Variants in ADAM10 observed in about 807,000 individuals in gnomAD.
ADAM10 encodes ADAM metallopeptidase domain 10.
In ADAM10, 17 loss-of-function variants were observed where a neutral mutation model predicts 90.1. The observed-to-expected ratio is 0.19, with a 90% confidence interval of 0.13 to 0.28. The LOEUF (loss-of-function observed/expected upper bound fraction) is 0.28. Ranked by LOEUF, ADAM10 falls within the 10% of genes least tolerant of loss-of-function variation. The probability of loss-of-function intolerance (pLI) is 1.00; values close to 1 mark genes in which losing one functional copy is unlikely to be tolerated. For missense variants in ADAM10, 610 were observed against 914.3 expected (o/e 0.67, Z 4.29); for synonymous variants, 310 against 298.6 (o/e 1.04, Z -0.40).
intron 11 of ADAM10, among the ~76,000 whole-genome samples, chr15:58,614,955 G>A (rs549811312): frequency 3.9e-5 from 6 of 152,176 alleles, no homozygotes; most frequent in South Asian, 2.1e-4. Flanking sequence ...AAAAAAGAAA[G>A]AAGAATATGC....
At chr15:58,705,187 T>C (rs1427871146) in intron 2 of ADAM10, among the ~76,000 whole-genome samples, 1 of 152,236 alleles carries the variant, frequency 6.6e-6, no homozygotes, top group African/African-American at 2.4e-5. Context: ...TTAGTTTTTA[T>C]TATTTTATAA....
chr15:58,701,757 G>T (rs1898140035), intron 2 of ADAM10, among the ~76,000 whole-genome samples: 1 of 152,106 alleles, frequency 6.6e-6, no homozygotes, highest in South Asian at 2.1e-4. Flanking sequence ...ACGGATAAAT[G>T]TTTAAAGAAA....
chr15:58,676,849 T>TA (rs1304659244), intron 4 of ADAM10, among the ~76,000 whole-genome samples: 3 of 152,098 alleles, frequency 2.0e-5, no homozygotes, highest in Admixed American at 1.3e-4. Context: ...ATAATTTCTT[T>TA]AAAAAAAGCA....
intron 15 of ADAM10, among the ~76,000 whole-genome samples, chr15:58,599,334 A>T (rs1259167681): frequency 1.3e-5 from 2 of 151,978 alleles, no homozygotes; most frequent in Non-Finnish European, 2.9e-5. Context: ...AAAAAAAACA[A>T]GAAAACAAAT....
At chr15:58,735,835 C>G (rs1899413514) in intron 1 of ADAM10, among the ~76,000 whole-genome samples, 1 of 152,086 alleles carries the variant, frequency 6.6e-6, no homozygotes, top group Non-Finnish European at 1.5e-5. Flanking sequence ...TATCTGTTCT[C>G]TAAAATGATT....
intron 4 of ADAM10, 108 bp from the exon 5 acceptor site, chr15:58,665,305 A>G: frequency 1.1e-6 from 1 of 886,836 alleles, no homozygotes; most frequent in Non-Finnish European, 1.9e-6. Context: ...GAAAACCATA[A>G]ATGCTTATTA....
intron 11 of ADAM10, among the ~76,000 whole-genome samples, chr15:58,613,343 C>CA (rs1566967395): frequency 1.3e-5 from 2 of 152,040 alleles, no homozygotes; most frequent in Non-Finnish European, 2.9e-5. Context: ...TTAGATGAGA[C>CA]GACTGTTCCA....
rs147213988 is a variant in ADAM10, at chr15:58,670,821, TTTTA to T, written c.485-5628_485-5625del. 1.0e-3 allele frequency among the ~76,000 whole-genome samples: 153 copies of T among 152,272 alleles called. 1 individual carries two copies. In the East Asian group the frequency reaches 0.023, roughly 23 times the overall value. On this transcript the variant is annotated intron_variant, in intron 4 of 15. Transcript: ENST00000260408. ...GCACAAAAATATTTTTATTTTTACTTTTTATTTGTCAGCCATGATCAATCAAGAT... is the reference window on the plus strand; with the variant it reads ...GCACAAAAATATTTTTATTTTTACTTTTTGTCAGCCATGATCAATCAAGAT...
chr15:58,744,249 T>A (rs1281763235), intron 1 of ADAM10, among the ~76,000 whole-genome samples: 1 of 136,238 alleles, frequency 7.3e-6, no homozygotes, highest in Non-Finnish European at 1.6e-5. Context: ...AGGTGAGGGG[T>A]AGGGGTGGGG....
rs961796184 is a variant in ADAM10 at position 58,597,538 on chromosome 15, A to G, written c.*9T>C. 1 of 1,614,032 alleles carries G rather than the reference A, an allele frequency of 6.2e-7. No homozygotes were observed. Among genetic ancestry groups the G allele is most frequent in the Non-Finnish European group, 8.5e-7 (1 of 1,179,982 alleles). ...TAGGCACTAGGAAGAACCAAGGCAA[A>G]AGCTGCAGTTAGCGTCTCATGTGTC... On this transcript the variant is annotated 3_prime_UTR_variant, in exon 16 of 16. Coordinates refer to ENST00000260408, the MANE Select transcript of ADAM10 (RefSeq NM_001110.4).
At chr15:58,676,009 T>C (rs1322682555) in intron 4 of ADAM10, 1 of 180,764 alleles carries the variant, frequency 5.5e-6, no homozygotes, top group African/African-American at 2.4e-5. Flanking sequence ...AAACCAATTA[T>C]ATAAAAATAA....
intron 1 of ADAM10, among the ~76,000 whole-genome samples, chr15:58,724,580 C>G (rs1898967219): frequency 6.6e-6 from 1 of 152,208 alleles, no homozygotes; most frequent in South Asian, 2.1e-4. Flanking sequence ...GAGACAACCT[C>G]TGAGTTCAGG....
At chr15:58,678,947 A>G (rs1897356061) in intron 4 of ADAM10, among the ~76,000 whole-genome samples, 177 bp downstream of exon 4, 1 of 152,220 alleles carries the variant, frequency 6.6e-6, no homozygotes, top group Non-Finnish European at 1.5e-5. Context: ...ACTGACAAGG[A>G]AATTGCCTCA....
At chr15:58,700,084 C>T (rs1898088036) in intron 2 of ADAM10, among the ~76,000 whole-genome samples, 2 of 152,100 alleles carry the variant, frequency 1.3e-5, no homozygotes, top group African/African-American at 4.8e-5. Flanking sequence ...ACAGAGCACC[C>T]ATTACGTAAT....
chr15:58,610,762 T>C (rs559785194), intron 13 of ADAM10: 1 of 634,450 alleles, frequency 1.6e-6, no homozygotes, highest in Non-Finnish European at 2.8e-6. Context: ...TAACAGTGTT[T>C]ATGTAAATTA....
chr15:58,620,685 G>A lies in ADAM10; in HGVS notation c.1511+786C>T, dbSNP rs1459967119. Among the ~76,000 whole-genome samples, 3 of 30,364 alleles carry A rather than the reference G, an allele frequency of 9.9e-5. 1 individual carries two copies. The highest frequency in any genetic ancestry group is 1.8e-3 in the African/African-American group (2 of 1,118). The allele number at this position is 30,364 out of a possible 152,430, so 19.9% of individuals were successfully genotyped here. On this transcript the variant is annotated intron_variant, in intron 11 of 15. Coordinates refer to ENST00000260408, the MANE Select transcript of ADAM10 (RefSeq NM_001110.4). ...ATTTTTTTTTTTTTTTTTTTGAGAC[G>A]GAGTCTCGCTCTGTCGCCCAGGCCG...
intron 12 of ADAM10, chr15:58,611,441 T>G (rs1427062376): frequency 9.1e-6 from 3 of 328,854 alleles, no homozygotes; most frequent in Non-Finnish European, 1.7e-5. Context: ...TTTTTTCCTG[T>G]AGAGCAAAGT....
At position 58,597,132 on chromosome 15, in the gene ADAM10, A is replaced by G. The variant is rs779472227; in HGVS notation, c.*415T>C. 3.3e-5 allele frequency: 14 copies of G among 429,408 alleles called. No homozygotes were observed. Among genetic ancestry groups the G allele is most frequent in the Middle Eastern group, 1.3e-3 (2 of 1,498 alleles). 26.6% of individuals were successfully genotyped at this position (429,408 alleles called of 1,614,324 possible). On this transcript the variant is annotated 3_prime_UTR_variant, in exon 16 of 16. Coordinates refer to ENST00000260408, the MANE Select transcript of ADAM10 (RefSeq NM_001110.4). Reference sequence around the variant, plus strand: ...TGTACATTGGCAAGTGATGTCTCCAATGTTGAGGTGGTCGAGCCTCCTAGC... The same window carrying G: ...TGTACATTGGCAAGTGATGTCTCCAGTGTTGAGGTGGTCGAGCCTCCTAGC...
At position 58,652,421 on chromosome 15, in the gene ADAM10, G is replaced by A. The variant is rs564325265; in HGVS notation, c.586-6217C>T. ...TCATTTTGATTTGATTTTTGTATAC[G>A]GTGAGAAATAGAGGTCTAGTTTCAT... On this transcript the variant is annotated intron_variant, in intron 5 of 15. Transcript: ENST00000260408. Among the ~76,000 whole-genome samples the A allele has an allele frequency of 1.4e-3, 212 of 152,150 alleles. 1 individual carries two copies. The highest frequency in any genetic ancestry group is 3.7e-3 in the African/African-American group (155 of 41,494).
Sources: allele counts gnomAD v4.1 joint callset (sites outside exome capture counted in the v4.1 genomes callset), GRCh38; gene constraint gnomAD v4.1.1; transcripts MANE v1.5; gene names NCBI Gene and HGNC (gene_info 2026-07-23, HGNC 2026-07-21).